Variants in C6 observed in about 807,000 individuals in gnomAD.
The protein encoded by C6 is complement C6, also known as complement component C6.
A neutral mutation model predicts 112.9 loss-of-function variants in C6; 101 were observed. The observed-to-expected ratio is 0.89, with a 90% CI of 0.76 to 1.06. The LOEUF is 1.06. Ranked by LOEUF, C6 falls within the 50% of genes least tolerant of loss-of-function variation. The pLI, the probability that C6 is intolerant of heterozygous loss-of-function variation, is 0.00. For synonymous variants in C6, 431 were observed against 384.1 expected (o/e 1.12, Z -1.43); for missense variants, 1,202 against 1,104.6 (o/e 1.09, Z -1.25).
chr5:41,185,273 C>A (rs1346662596), intron 6 of C6, among the ~76,000 whole-genome samples: 2 of 152,028 alleles, frequency 1.3e-5, no homozygotes, highest in Non-Finnish European at 2.9e-5. Context: ...TTGGAAAATG[C>A]CTGTATTTAT....
At chr5:41,183,793 G>C (rs957862127) in intron 6 of C6, among the ~76,000 whole-genome samples, 2 of 152,168 alleles carry the variant, frequency 1.3e-5, no homozygotes, top group African/African-American at 2.4e-5. Context: ...TGGAATACTA[G>C]CAGCCATAAA....
intron 15 of C6, among the ~76,000 whole-genome samples, chr5:41,150,881 G>A (rs1746327464): frequency 1.6e-5 from 2 of 124,866 alleles, no homozygotes; most frequent in Admixed American, 1.7e-4. Flanking sequence ...GTAAGACTCT[G>A]TCTAAAAAAA....
intron 3 of C6, 151 bp from the exon 4 acceptor site, chr5:41,200,063 T>C (rs186452129): frequency 6.6e-6 from 5 of 757,706 alleles, no homozygotes; most frequent in Middle Eastern, 3.3e-4. Flanking sequence ...TCCATTATTA[T>C]GCTCCCTTAG....
At chr5:41,250,689 G>A (rs1238489950) in intron 1 of C6, among the ~76,000 whole-genome samples, 2 of 152,164 alleles carry the variant, frequency 1.3e-5, no homozygotes, top group Non-Finnish European at 2.9e-5. Context: ...ATCACATAGA[G>A]TATAGCCAAG....
At chr5:41,178,618 A>G (rs1222306971) in intron 7 of C6, among the ~76,000 whole-genome samples, 3 of 144,772 alleles carry the variant, frequency 2.1e-5, no homozygotes, top group African/African-American at 5.1e-5. Flanking sequence ...TGGGACCACA[A>G]GCCCCCGCCA....
chr5:41,225,865 T>C (rs1362513905), intron 1 of C6, among the ~76,000 whole-genome samples: 2 of 152,174 alleles, frequency 1.3e-5, no homozygotes, highest in Non-Finnish European at 2.9e-5. Flanking sequence ...GATTCCCTAT[T>C]TAATAAATGG....
chr5:41,229,743 C>T (rs1739768390), intron 1 of C6, among the ~76,000 whole-genome samples: 1 of 152,080 alleles, frequency 6.6e-6, no homozygotes, highest in Non-Finnish European at 1.5e-5. Flanking sequence ...GATTTTCTAT[C>T]TGTATAATGT....
chr5:41,185,635 CTCA>C (rs1422724591), intron 6 of C6, among the ~76,000 whole-genome samples: 2 of 152,052 alleles, frequency 1.3e-5, no homozygotes, highest in African/African-American at 2.4e-5. Context: ...ATTAGACTGA[CTCA>C]TCATGATTTT....
chr5:41,256,337 G>T (rs1741697355), intron 1 of C6, among the ~76,000 whole-genome samples: 1 of 150,158 alleles, frequency 6.7e-6, no homozygotes, highest in Non-Finnish European at 1.5e-5. Flanking sequence ...TAGATGACGA[G>T]TTAGTGGGTG....
chr5:41,247,691 C>G (rs1456655282), intron 1 of C6, among the ~76,000 whole-genome samples: 2 of 148,630 alleles, frequency 1.3e-5, no homozygotes, highest in East Asian at 3.9e-4. Context: ...GCACTCCAGC[C>G]TGGGTGACAG....
intron 1 of C6, among the ~76,000 whole-genome samples, chr5:41,212,145 T>C (rs1300523035): frequency 6.6e-6 from 1 of 152,124 alleles, no homozygotes; most frequent in Non-Finnish European, 1.5e-5. Flanking sequence ...TTGTTTTATG[T>C]TAAAACAATT....
chr5:41,207,391 T>C (rs973367691), intron 1 of C6, among the ~76,000 whole-genome samples: 1 of 152,172 alleles, frequency 6.6e-6, no homozygotes, highest in African/African-American at 2.4e-5. Context: ...TAACCTTAAA[T>C]GTAAATGGGC....
intron 1 of C6, among the ~76,000 whole-genome samples, chr5:41,240,274 T>A (rs1489354805): frequency 6.6e-6 from 1 of 152,128 alleles, no homozygotes. Context: ...CCATAGGTGC[T>A]ATTGGTGGGC....
intron 1 of C6, among the ~76,000 whole-genome samples, chr5:41,220,901 T>G (rs1469861748): frequency 6.6e-6 from 1 of 152,118 alleles, no homozygotes; most frequent in Non-Finnish European, 1.5e-5. Context: ...GCTCTCATCT[T>G]TATGTCCATG....
intron 1 of C6, among the ~76,000 whole-genome samples, chr5:41,210,537 C>G (rs1751829137): frequency 6.6e-6 from 1 of 152,140 alleles, no homozygotes; most frequent in South Asian, 2.1e-4. Flanking sequence ...ATCAAACAAC[C>G]CCATCAAAAA....
At chr5:41,188,344 GGAA>G (rs1749945451) in intron 5 of C6, among the ~76,000 whole-genome samples, 6 of 152,050 alleles carry the variant, frequency 3.9e-5, no homozygotes, top group Non-Finnish European at 7.4e-5. Flanking sequence ...CAAAGTTCAA[GGAA>G]TTACCTTCCT....
At chr5:41,229,031 C>G (rs1455137140) in intron 1 of C6, among the ~76,000 whole-genome samples, 1 of 152,160 alleles carries the variant, frequency 6.6e-6, no homozygotes, top group Non-Finnish European at 1.5e-5. Flanking sequence ...AGAAGAATCA[C>G]TTGAACCCGG....
intron 1 of C6, among the ~76,000 whole-genome samples, chr5:41,246,310 G>A (rs1298229096): frequency 6.6e-6 from 1 of 152,094 alleles, no homozygotes; most frequent in Non-Finnish European, 1.5e-5. Context: ...GTTAAAAGCT[G>A]GCCAAATGCT....
intron 8 of C6, among the ~76,000 whole-genome samples, chr5:41,174,232 C>T (rs551824988): frequency 9.4e-4 from 143 of 152,274 alleles, no homozygotes; most frequent in African/African-American, 3.2e-3. Flanking sequence ...TCCTTTTCTT[C>T]CCTGCAGTAT....
Sources: allele counts gnomAD v4.1 joint callset (sites outside exome capture counted in the v4.1 genomes callset), GRCh38; gene constraint gnomAD v4.1.1; transcripts MANE v1.5; gene names NCBI Gene and HGNC (gene_info 2026-07-23, HGNC 2026-07-21).